The following RDX variants were observed in gnomAD, a reference collection of about 807,000 sequenced individuals.
RDX encodes deafness, autosomal recessive 24.
A neutral mutation model predicts 83.7 loss-of-function variants in RDX; 32 were observed. The ratio of observed to expected loss-of-function variants is 0.38; its 90% confidence interval spans 0.29 to 0.51. RDX has a LOEUF of 0.51. Ranked by LOEUF, RDX falls within the 20% of genes least tolerant of loss-of-function variation. RDX has a pLI of 0.87. For missense variants in RDX, 600 were observed against 689.9 expected, an observed-to-expected ratio of 0.87 and a Z score of 1.46; for synonymous variants, 229 against 222.7, an observed-to-expected ratio of 1.03 and a Z score of -0.25.
intron 1 of RDX, among the ~76,000 whole-genome samples, chr11:110,295,794 G>C (rs1203178453): frequency 6.6e-6 from 1 of 152,254 alleles, no homozygotes; most frequent in Non-Finnish European, 1.5e-5. Flanking sequence ...AAGGGCCCGA[G>C]AAAGTTACAG....
intron 3 of RDX, among the ~76,000 whole-genome samples, chr11:110,271,275 C>T (rs996355983): frequency 3.4e-4 from 52 of 152,156 alleles, no homozygotes; most frequent in African/African-American, 1.3e-3. Flanking sequence ...TGACAACTAA[C>T]AAAACCAAAG....
intron 8 of RDX, among the ~76,000 whole-genome samples, chr11:110,254,698 ACTC>A (rs922298479): frequency 1.3e-4 from 19 of 150,678 alleles, no homozygotes; most frequent in African/African-American, 4.1e-4. Context: ...CTGGTCTTGA[ACTC>A]CTCATCTCAG....
intron 12 of RDX, 138 bp downstream of exon 12, chr11:110,235,961 G>A (rs909270389): frequency 1.5e-6 from 1 of 682,266 alleles, no homozygotes; most frequent in African/African-American, 1.8e-5. Flanking sequence ...TCTGTAGATA[G>A]ATATTTACAA....
chr11:110,245,895 T>G (rs1227952507), intron 10 of RDX, among the ~76,000 whole-genome samples: 1 of 152,208 alleles, frequency 6.6e-6, no homozygotes, highest in Non-Finnish European at 1.5e-5. Flanking sequence ...TGGAATTCAC[T>G]TTGATATTTG....
intron 15 of RDX, among the ~76,000 whole-genome samples, chr11:110,187,961 G>A (rs941678370): frequency 2.6e-5 from 4 of 152,186 alleles, no homozygotes; most frequent in African/African-American, 9.7e-5. Flanking sequence ...TATAAAACCT[G>A]CCAACAGAAG....
intron 5 of RDX, among the ~76,000 whole-genome samples, chr11:110,259,649 G>A (rs963704362): frequency 6.6e-6 from 1 of 152,158 alleles, no homozygotes; most frequent in East Asian, 1.9e-4. Context: ...CCTTCTGAGA[G>A]AGCTTAGGTT....
downstream of RDX, among the ~76,000 whole-genome samples, chr11:110,226,163 A>G (rs1293031523): frequency 6.6e-6 from 1 of 152,164 alleles, no homozygotes; most frequent in Non-Finnish European, 1.5e-5. Flanking sequence ...CAGGGACTCT[A>G]AGATATTTGT....
chr11:110,207,911 C>T (rs568290945), intron 14 of RDX, among the ~76,000 whole-genome samples: 20 of 151,832 alleles, frequency 1.3e-4, no homozygotes, highest in Non-Finnish European at 2.5e-4. Context: ...CAGTAATTTT[C>T]TGTTGAAAAC....
chr11:110,237,709 A>C (rs777031946), intron 10 of RDX, 57 bp from the exon 11 acceptor site: 3 of 1,566,816 alleles, frequency 1.9e-6, no homozygotes, highest in South Asian at 2.2e-5. Context: ...TCTCATTATC[A>C]AAAGAAGCTA....
intron 2 of RDX, among the ~76,000 whole-genome samples, chr11:110,278,974 CAT>C (rs375052062): frequency 2.6e-4 from 40 of 151,980 alleles, no homozygotes; most frequent in South Asian, 2.3e-3. Context: ...AAAATAATCA[CAT>C]GTGTACCCTT....
intron 2 of RDX, among the ~76,000 whole-genome samples, chr11:110,274,947 G>A (rs1259301109): frequency 1.3e-5 from 2 of 152,156 alleles, no homozygotes; most frequent in Non-Finnish European, 2.9e-5. Context: ...GAGTAATGAA[G>A]TGTGCACACC....
chr11:110,205,564 G>A (rs1173461423), intron 14 of RDX, among the ~76,000 whole-genome samples: 10 of 151,466 alleles, frequency 6.6e-5, no homozygotes, highest in African/African-American at 1.7e-4. Flanking sequence ...TGAATTAACT[G>A]GATCAAGATA....
At chr11:110,295,398 T>C (rs754085085) in intron 1 of RDX, among the ~76,000 whole-genome samples, 5 of 151,956 alleles carry the variant, frequency 3.3e-5, no homozygotes, top group East Asian at 1.9e-4. Context: ...AAACCCTTAT[T>C]ATCTTAGACT....
rs1346479116 is a variant in RDX, at chr11:110,206,490, ATTG to A, written c.1749-6815_1749-6813del. ...ATGTGTGGGCAAAACTAGACATTAT[ATTG>A]TTGTAGATACAAACACAGATAGTAA... is the stretch of plus-strand genomic sequence containing the variant. On this transcript the variant is annotated intron_variant, in intron 14 of 15. Transcript: ENST00000528498. Among the ~76,000 whole-genome samples the A allele has an allele frequency of 5.9e-5, 9 of 152,314 alleles. No homozygotes were observed. In the South Asian group the frequency reaches 1.9e-3, roughly 32 times the overall value.
At chr11:110,176,153 T>C (rs1156372254) in intron 15 of RDX, among the ~76,000 whole-genome samples, 24 of 150,694 alleles carry the variant, frequency 1.6e-4, no homozygotes, top group Non-Finnish European at 3.5e-4. Context: ...TGGCGTGACC[T>C]CGGCTCACTG....
intron 14 of RDX, among the ~76,000 whole-genome samples, chr11:110,217,720 G>T (rs1308889418): frequency 6.6e-6 from 1 of 152,174 alleles, no homozygotes; most frequent in African/African-American, 2.4e-5. Context: ...CATCCACTGA[G>T]ATACGCCCTC....
downstream of RDX, chr11:110,229,309 T>C (rs147997279): frequency 6.6e-5 from 10 of 152,260 alleles, no homozygotes; most frequent in East Asian, 7.7e-4. Context: ...GGGGAAAGAG[T>C]AGATCTATGA....
chr11:110,231,716 A>G lies in RDX; in HGVS notation c.*153T>C. On this transcript the variant is annotated 3_prime_UTR_variant, in exon 14 of 14. Coordinates refer to ENST00000645495, the MANE Select transcript of RDX (RefSeq NM_002906.4). ...ATGATATCATACTGCCTTAATGTTG[A>G]AGAGCTCCCCTTAAATTTGTCTTTT... is the stretch of plus-strand genomic sequence containing the variant. 1 of 812,370 alleles carries G rather than the reference A, an allele frequency of 1.2e-6. No individual in the cohort carries two copies. The highest frequency in any genetic ancestry group is 2.1e-6 in the Non-Finnish European group (1 of 468,744). 50.3% of individuals were successfully genotyped at this position (812,370 alleles called of 1,614,324 possible). A position where few individuals can be genotyped will look rare whatever the true frequency, so the allele number is the denominator to read the frequency against.
intron 14 of RDX, among the ~76,000 whole-genome samples, chr11:110,211,159 G>C (rs1863821486): frequency 6.6e-6 from 1 of 151,876 alleles, no homozygotes; most frequent in Admixed American, 6.5e-5. Context: ...CAAGCCAATG[G>C]AAAACAAAAA....
Sources: gnomAD v4.1 joint callset for allele counts (sites outside exome capture counted in the v4.1 genomes callset) on GRCh38, gnomAD v4.1.1 for gene constraint, MANE v1.5 for transcripts, NCBI Gene and HGNC (gene_info 2026-07-23, HGNC 2026-07-21) for gene names.